BBS2: variants seen among roughly 807,000 people sequenced by gnomAD.
BBS2 encodes BBSome complex member BBS2.
Under a neutral mutation model 83.0 loss-of-function variants are expected in BBS2, and 62 were observed. The observed-to-expected ratio is 0.75, with a 90% CI of 0.61 to 0.92. The LOEUF is 0.92. Ranked by LOEUF, BBS2 falls within the 40% of genes least tolerant of loss-of-function variation. The probability of loss-of-function intolerance (pLI) is 0.00; values close to 1 mark genes in which losing one functional copy is unlikely to be tolerated. For synonymous variants in BBS2, 303 were observed against 326.1 expected, an observed-to-expected ratio of 0.93 and a Z score of 0.76; for missense variants, 784 against 901.0, an observed-to-expected ratio of 0.87 and a Z score of 1.66.
rs1487597896 is a variant in BBS2, at chr16:56,501,425, T to C, written c.1153A>G (p.Thr385Ala). Residue 385 changes from threonine to alanine, a missense_variant, in exon 10 of 17, where the codon ACC (threonine) becomes GCC (alanine). Physicochemically the swap from Thr to Ala is moderately conservative, Grantham distance 58. Coordinates refer to ENST00000245157, the MANE Select transcript of BBS2 (RefSeq NM_031885.5). ...TTCCCCAGGCTGACTGAGAGCGTGG[T>C]GTGGAGCCTGGTATTGGCTGGGATT... ...GIIPANTRLHTTLSVSLGNET... is the reference protein window; with the variant it reads ...GIIPANTRLHATLSVSLGNET... The C allele has an allele frequency of 1.2e-6, 2 of 1,614,170 alleles. No homozygotes were observed. Among genetic ancestry groups the C allele is most frequent in the Admixed American group, 1.7e-5 (1 of 60,018 alleles).
chr16:56,481,360 A>G (rs1237275655), downstream of BBS2, among the ~76,000 whole-genome samples: 2 of 152,070 alleles, frequency 1.3e-5, no homozygotes, highest in Non-Finnish European at 2.9e-5. Context: ...TTAACAGGGG[A>G]TTAAGATTTA....
intron 15 of BBS2, among the ~76,000 whole-genome samples, chr16:56,492,354 T>C (rs950010680): frequency 2.0e-5 from 3 of 152,198 alleles, no homozygotes; most frequent in Non-Finnish European, 4.4e-5. Flanking sequence ...AATTCTGCAA[T>C]ATGTGACAAC....
chr16:56,500,528 G>A, intron 11 of BBS2: 4 of 316,794 alleles, frequency 1.3e-5, no homozygotes, highest in South Asian at 1.2e-4. Context: ...AGGAGGCTGA[G>A]GCAGAAGAAT....
chr16:56,470,820 T>G lies in BBS2; in HGVS notation c.*1-125A>C, dbSNP rs532401825. The G allele has an allele frequency of 2.0e-6, 3 of 1,530,036 alleles. No homozygotes were observed. The South Asian group carries it at 3.9e-5, about 20-fold the overall frequency. The allele number at this position is 1,530,036 out of a possible 1,614,324, so 94.8% of individuals were successfully genotyped here. A position where few individuals can be genotyped will look rare whatever the true frequency, so the allele number is the denominator to read the frequency against. On this transcript the variant is annotated intron_variant, in intron 17 of 17. Transcript: ENST00000682047. ...AGCTGTTGTTAGGATTTGTCCTTACTTACCATTAACCATTCACCATTCAAA... is the reference window on the plus strand; with the variant it reads ...AGCTGTTGTTAGGATTTGTCCTTACGTACCATTAACCATTCACCATTCAAA...
chr16:56,498,669 A>C, intron 12 of BBS2, 101 bp from the exon 13 acceptor site: 1 of 1,590,558 alleles, frequency 6.3e-7, no homozygotes, highest in Non-Finnish European at 8.5e-7. Context: ...TCTTGAGGGA[A>C]GAGTTCTCCT....
intron 7 of BBS2, among the ~76,000 whole-genome samples, chr16:56,503,755 TAAAAATACA>T (rs1214177089): frequency 4.6e-5 from 7 of 152,054 alleles, no homozygotes; most frequent in Admixed American, 1.3e-4. Flanking sequence ...CTGTCTGTAC[TAAAAATACA>T]AAAAATTAGC....
chr16:56,495,197 T>C (rs906346637), intron 15 of BBS2, among the ~76,000 whole-genome samples: 3 of 152,126 alleles, frequency 2.0e-5, no homozygotes, highest in Non-Finnish European at 2.9e-5. Context: ...TTATTTTTCA[T>C]AGAAGTATTT....
In BBS2 at chr16:56,498,572, G is replaced by A. The variant is rs1964177299; in HGVS notation, c.1528-4C>T. 2 of 1,613,766 alleles carry A rather than the reference G, an allele frequency of 1.2e-6. No homozygotes were observed. Among genetic ancestry groups the A allele is most frequent in the African/African-American group, 1.3e-5 (1 of 74,932 alleles). On this transcript the variant is annotated splice_region_variant and splice_polypyrimidine_tract_variant and intron_variant, in intron 12 of 16. Coordinates refer to ENST00000245157, the MANE Select transcript of BBS2 (RefSeq NM_031885.5). ...TCTGACCGAGCCATACAACAACCTT[G>A]AAAATGAACACAATGAAATGACCTC... is the stretch of plus-strand genomic sequence containing the variant.
In BBS2 at chr16:56,500,948, G is replaced by A; in HGVS notation, c.1303C>T (p.His435Tyr). The A allele has an allele frequency of 6.2e-7, 1 of 1,614,130 alleles. No homozygotes were observed. The highest frequency in any genetic ancestry group is 1.3e-5 in the African/African-American group (1 of 75,034). Reference protein sequence around the residue: ...GESHVVHPSIHNLSSSICIPI... With the variant: ...GESHVVHPSIYNLSSSICIPI... ...ATGCAGATGGAACTGGAGAGGTTGTGAATGCTGGGATGTACCACGTGGCTT... is the reference window on the plus strand; with the variant it reads ...ATGCAGATGGAACTGGAGAGGTTGTAAATGCTGGGATGTACCACGTGGCTT... The change falls in exon 11 of 17, where the codon CAC becomes TAC. Residue 435 changes from histidine (H) to tyrosine (Y), a missense_variant. Coordinates refer to ENST00000245157, the MANE Select transcript of BBS2 (RefSeq NM_031885.5).
At chr16:56,474,996 G>C in intron 17 of BBS2, 1 of 1,601,744 alleles carries the variant, frequency 6.2e-7, no homozygotes, top group Non-Finnish European at 8.5e-7. Flanking sequence ...CGTAGGAGGG[G>C]CAGTCTCTTC....
chr16:56,500,991 T>G lies in BBS2; in HGVS notation c.1260A>C (p.Glu420Asp). 6.2e-7 allele frequency: 1 copy of G among 1,614,196 alleles called. No individual in the cohort carries two copies. The highest frequency in any genetic ancestry group is 8.5e-7 in the Non-Finnish European group (1 of 1,180,026). ...CGTGGCTTTCACCTGTAAAAATTCC[T>G]TCTGCAAAAATCAATACTGCTCGGA... The part of the protein sequence containing the change: ...TIIRAVLIFA[E>D]GIFTGESHVV... The change falls in exon 11 of 17, where the codon GAA becomes GAC. Residue 420 changes from glutamate to aspartate, a missense_variant. By Grantham distance (45) the Glu-to-Asp change is conservative (BLOSUM62 2). Transcript: ENST00000245157.
At chr16:56,471,116 C>T (rs1340997365) in intron 17 of BBS2, among the ~76,000 whole-genome samples, 2 of 151,532 alleles carry the variant, frequency 1.3e-5, no homozygotes, top group African/African-American at 2.4e-5. Flanking sequence ...CTTTTGGAGG[C>T]GGAGGCAGTC....
chr16:56,508,635 C>A (rs1313534744), intron 5 of BBS2, among the ~76,000 whole-genome samples: 2 of 149,446 alleles, frequency 1.3e-5, no homozygotes, highest in Non-Finnish European at 3.0e-5. Context: ...ACTCTTAACA[C>A]TGTTACTTCT....
chr16:56,482,918 C>T (rs1480523912), downstream of BBS2, among the ~76,000 whole-genome samples: 1 of 152,160 alleles, frequency 6.6e-6, no homozygotes, highest in African/African-American at 2.4e-5. Flanking sequence ...TACTTTCAGA[C>T]CACACTTTTA....
intron 15 of BBS2, among the ~76,000 whole-genome samples, chr16:56,493,134 C>A (rs1242534181): frequency 1.3e-5 from 2 of 151,938 alleles, no homozygotes; most frequent in African/African-American, 4.8e-5. Flanking sequence ...CATCTGTAAT[C>A]CCAGCACTTT....
intron 17 of BBS2, among the ~76,000 whole-genome samples, chr16:56,473,055 C>T (rs1476782995): frequency 2.6e-5 from 4 of 152,104 alleles, no homozygotes; most frequent in South Asian, 2.1e-4. Context: ...CTCAGCCTCC[C>T]GAGTAGCTGG....
rs768021183 is a variant in BBS2 at position 56,470,660 on chromosome 16, CT to C, written c.*35del. The C allele has an allele frequency of 2.2e-5, 35 of 1,614,204 alleles. No homozygotes were observed. In the East Asian group the frequency reaches 5.3e-4, roughly 25 times the overall value. On this transcript the variant is annotated 3_prime_UTR_variant, in exon 18 of 18. Coordinates refer to the BBS2 transcript ENST00000682047. The stretch of plus-strand genomic sequence containing the variant: ...AATGATAAAAAAGAGGCAGAAACCA[CT>C]GATATCACTGAAGAAGGGACTAGCC...
At chr16:56,501,174 G>A (rs1285154314) in intron 10 of BBS2, 149 bp from the exon 11 acceptor site, 2 of 1,256,014 alleles carry the variant, frequency 1.6e-6, no homozygotes, top group Admixed American at 3.4e-5. Context: ...GCTGGGCGTG[G>A]TGGTGGGCGC....
intron 17 of BBS2, among the ~76,000 whole-genome samples, chr16:56,471,665 C>T (rs563413800): frequency 6.6e-6 from 1 of 152,252 alleles, no homozygotes; most frequent in East Asian, 1.9e-4. Context: ...GGGGTGGATA[C>T]TTGTGGAAAC....
Sources: gnomAD v4.1 joint callset for allele counts (sites outside exome capture counted in the v4.1 genomes callset) on GRCh38, gnomAD v4.1.1 for gene constraint, MANE v1.5 for transcripts, NCBI Gene and HGNC (gene_info 2026-07-23, HGNC 2026-07-21) for gene names.